The following LARGE1 variants were observed in gnomAD, a reference collection of about 807,000 sequenced individuals.
LARGE1 encodes xylosyl- and glucuronyltransferase LARGE1.
LARGE1 carries 43 observed loss-of-function variants against 87.6 expected under a neutral mutation model. The observed-to-expected ratio is 0.49, with a 90% CI of 0.38 to 0.63. LARGE1 has a LOEUF of 0.63. LARGE1 is among the 30% of genes least tolerant of loss of function. The probability of loss-of-function intolerance (pLI) is 0.00; values close to 1 mark genes in which losing one functional copy is unlikely to be tolerated. For missense variants in LARGE1, 802 were observed against 1,000.2 expected, an observed-to-expected ratio of 0.80 and a Z score of 2.67; for synonymous variants, 434 against 394.6, an observed-to-expected ratio of 1.10 and a Z score of -1.18.
chr22:33,673,187 A>C (rs2081469106), intron 2 of LARGE1, among the ~76,000 whole-genome samples: 1 of 152,184 alleles, frequency 6.6e-6, no homozygotes, highest in Non-Finnish European at 1.5e-5. Context: ...AAGCAGGAGA[A>C]TTGCTTGAAC....
chr22:33,632,931 G>A (rs2080154609), intron 3 of LARGE1, among the ~76,000 whole-genome samples: 1 of 152,110 alleles, frequency 6.6e-6, no homozygotes. Context: ...CTAATTTCCT[G>A]TCATCCTAGA....
intron 9 of LARGE1, among the ~76,000 whole-genome samples, chr22:33,346,995 A>G (rs569073455): frequency 1.3e-5 from 2 of 152,362 alleles, no homozygotes; most frequent in African/African-American, 4.8e-5. Flanking sequence ...TGTGATGACT[A>G]GAACCATGAC....
At chr22:33,534,668 C>G (rs1282526259) in intron 6 of LARGE1, among the ~76,000 whole-genome samples, 1 of 152,004 alleles carries the variant, frequency 6.6e-6, no homozygotes, top group Non-Finnish European at 1.5e-5. Flanking sequence ...GTGCTGGGAC[C>G]CAGGCCTCCG....
At chr22:33,554,792 A>T (rs935115922) in intron 6 of LARGE1, among the ~76,000 whole-genome samples, 1 of 152,198 alleles carries the variant, frequency 6.6e-6, no homozygotes, top group Admixed American at 6.5e-5. Flanking sequence ...ACACTTAATA[A>T]GACCCTTTAT....
chr22:33,881,649 T>C (rs897444501), intron 1 of LARGE1, among the ~76,000 whole-genome samples: 1 of 152,250 alleles, frequency 6.6e-6, no homozygotes, highest in Non-Finnish European at 1.5e-5. Context: ...TTTGTTTAAA[T>C]AGTTCCCTCT....
intron 1 of LARGE1, among the ~76,000 whole-genome samples, chr22:33,885,460 T>G (rs1402904524): frequency 6.6e-6 from 1 of 152,184 alleles, no homozygotes; most frequent in Non-Finnish European, 1.5e-5. Flanking sequence ...AGTCTGTTTA[T>G]CTACAAAAAT....
At chr22:33,422,613 G>T (rs1038352609) in intron 7 of LARGE1, among the ~76,000 whole-genome samples, 1 of 151,668 alleles carries the variant, frequency 6.6e-6, no homozygotes, top group Non-Finnish European at 1.5e-5. Context: ...TGGTTTAAGA[G>T]ATTGTACTGC....
At chr22:33,209,248 T>C (rs1924840085) in intron 11 of LARGE1, among the ~76,000 whole-genome samples, 1 of 152,224 alleles carries the variant, frequency 6.6e-6, no homozygotes, top group African/African-American at 2.4e-5. Context: ...CTTTCATTGC[T>C]TAACTTTCTT....
At chr22:33,139,854 G>T in the LARGE1 span, among the ~76,000 whole-genome samples, 32 of 152,308 alleles carry the variant, frequency 2.1e-4, no homozygotes, top group South Asian at 4.1e-4. Context: ...ACCTTTGTTT[G>T]TGGTCATTGC....
chr22:33,248,865 G>A (rs568551843), intron 11 of LARGE1, among the ~76,000 whole-genome samples: 17 of 152,208 alleles, frequency 1.1e-4, no homozygotes, highest in Admixed American at 5.2e-4. Context: ...AGGTTCCTCC[G>A]TGCCTTTTCA....
chr22:33,198,056 A>T (rs1924169014), intron 11 of LARGE1, among the ~76,000 whole-genome samples: 1 of 152,178 alleles, frequency 6.6e-6, no homozygotes, highest in Non-Finnish European at 1.5e-5. Flanking sequence ...CCTCAGCTCA[A>T]ACCACATGTG....
At chr22:33,306,321 A>G (rs916194211) in intron 11 of LARGE1, among the ~76,000 whole-genome samples, 8 of 152,148 alleles carry the variant, frequency 5.3e-5, no homozygotes, top group African/African-American at 1.4e-4. Flanking sequence ...GCGCTTCATG[A>G]GAGGGCCATT....
chr22:33,318,589 G>GC (rs1569049901), intron 10 of LARGE1, among the ~76,000 whole-genome samples: 1 of 151,994 alleles, frequency 6.6e-6, no homozygotes, highest in East Asian at 1.9e-4. Context: ...ACACACCGGG[G>GC]CCTGTTGTGG....
chr22:33,200,140 C>T (rs1602082532), intron 11 of LARGE1, among the ~76,000 whole-genome samples: 1 of 152,122 alleles, frequency 6.6e-6, no homozygotes, highest in African/African-American at 2.4e-5. Context: ...AGCCACTGCG[C>T]CCAGCCGACA....
chr22:33,912,502 A>G lies in LARGE1; in HGVS notation c.-83+7493T>C, dbSNP rs559823894. 2.0e-4 allele frequency among the ~76,000 whole-genome samples: 31 copies of G among 152,322 alleles called. 1 individual carries two copies. In the South Asian group the frequency reaches 6.4e-3, roughly 32 times the overall value. Reference sequence around the variant, plus strand: ...CCCAATTGGCCTTGGTAATTCAGAAAAGGACTATGTTAAAAGCAAAGCTCT... The same window carrying G: ...CCCAATTGGCCTTGGTAATTCAGAAGAGGACTATGTTAAAAGCAAAGCTCT... On this transcript the variant is annotated intron_variant, in intron 1 of 14. Transcript: ENST00000397394.
chr22:33,625,584 A>C lies in LARGE1; in HGVS notation c.491+660T>G, dbSNP rs55941302. Among the ~76,000 whole-genome samples the C allele has an allele frequency of 6.0e-3, 920 of 152,272 alleles. 9 individuals carry two copies. Among genetic ancestry groups the C allele is most frequent in the African/African-American group, 0.021 (883 of 41,562 alleles). ...GAGGAAGCAACCTGTCTATAAGAAA[A>C]CACCACCGACTAGGTGGATAAAACA... On this transcript the variant is annotated intron_variant, in intron 4 of 14. Coordinates refer to ENST00000397394, the MANE Select transcript of LARGE1 (RefSeq NM_133642.5).
chr22:33,339,144 T>C (rs1601511364), intron 9 of LARGE1, among the ~76,000 whole-genome samples: 2 of 130,008 alleles, frequency 1.5e-5, no homozygotes, highest in East Asian at 2.2e-4. Flanking sequence ...CGAGACTCCG[T>C]CTCAAAAAAT....
intron 5 of LARGE1, among the ~76,000 whole-genome samples, chr22:33,584,496 A>G (rs2078611648): frequency 6.6e-6 from 1 of 152,242 alleles, no homozygotes; most frequent in Admixed American, 6.5e-5. Flanking sequence ...TGGAGAAGAC[A>G]TGAGCTTTTC....
intron 7 of LARGE1, among the ~76,000 whole-genome samples, chr22:33,415,634 C>T (rs1438212610): frequency 2.0e-5 from 3 of 152,182 alleles, no homozygotes; most frequent in African/African-American, 4.8e-5. Flanking sequence ...AGGGGGCTCT[C>T]GCTTGGCTGC....
Sources: gnomAD v4.1 joint callset for allele counts (sites outside exome capture counted in the v4.1 genomes callset) on GRCh38, gnomAD v4.1.1 for gene constraint, MANE v1.5 for transcripts, NCBI Gene and HGNC (gene_info 2026-07-23, HGNC 2026-07-21) for gene names.